Variants in CRTC3 observed in about 807,000 individuals in gnomAD.
CRTC3 encodes the protein CREB regulated transcription coactivator 3, also known as CREB-regulated transcription coactivator 3.
CRTC3 carries 26 observed loss-of-function variants against 74.5 expected under a neutral mutation model. The ratio of observed to expected loss-of-function variants is 0.35; its 90% CI spans 0.26 to 0.48. CRTC3 has a LOEUF of 0.48. CRTC3 is among the 20% of genes least tolerant of loss of function. The pLI is 0.99. For synonymous variants in CRTC3, 377 were observed against 325.8 expected, an observed-to-expected ratio of 1.16 and a Z score of -1.69; for missense variants, 760 against 787.3, an observed-to-expected ratio of 0.97 and a Z score of 0.41.
chr15:90,607,610 G>C (rs1825131178), intron 6 of CRTC3, 132 bp downstream of exon 6: 1 of 598,442 alleles, frequency 1.7e-6, no homozygotes, highest in African/African-American at 1.9e-5. Flanking sequence ...TCGTGGCAGG[G>C]AAGCGTGTGT....
chr15:90,573,643 T>C (rs563813676), intron 2 of CRTC3, among the ~76,000 whole-genome samples: 5 of 152,302 alleles, frequency 3.3e-5, no homozygotes, highest in Admixed American at 1.3e-4. Context: ...CTGTTTTTTT[T>C]CCCATTGATA....
intron 11 of CRTC3, among the ~76,000 whole-genome samples, chr15:90,637,098 T>C (rs1187766678): frequency 6.6e-6 from 1 of 152,202 alleles, no homozygotes; most frequent in South Asian, 2.1e-4. Flanking sequence ...TAAAAACACA[T>C]GCACACATAT....
chr15:90,606,661 A>AT (rs1196549926), intron 5 of CRTC3: 3 of 152,214 alleles, frequency 2.0e-5, no homozygotes, highest in Non-Finnish European at 4.4e-5. Context: ...AAACTGAGAG[A>AT]TTTTTTAAAG....
At chr15:90,614,882 G>A (rs1968448925) in intron 7 of CRTC3, among the ~76,000 whole-genome samples, 1 of 152,028 alleles carries the variant, frequency 6.6e-6, no homozygotes, top group Non-Finnish European at 1.5e-5. Flanking sequence ...TGACCAACAT[G>A]GTGAAACCCC....
chr15:90,641,544 A>G (rs1969442738), intron 14 of CRTC3, among the ~76,000 whole-genome samples: 1 of 152,010 alleles, frequency 6.6e-6, no homozygotes, highest in Non-Finnish European at 1.5e-5. Context: ...AAAAAATACA[A>G]AAAAAATTAG....
At chr15:90,618,663 A>C (rs1968559409) in intron 8 of CRTC3, among the ~76,000 whole-genome samples, 1 of 152,206 alleles carries the variant, frequency 6.6e-6, no homozygotes, top group African/African-American at 2.4e-5. Flanking sequence ...GTACTTAACT[A>C]TCCCCACCTG....
At chr15:90,603,702 A>T (rs1239976557) in intron 4 of CRTC3, among the ~76,000 whole-genome samples, 1 of 152,170 alleles carries the variant, frequency 6.6e-6, no homozygotes, top group East Asian at 1.9e-4. Context: ...GTGTATCAAA[A>T]ATATTTAGCT....
At chr15:90,608,420 C>T (rs1198275753) in intron 6 of CRTC3, among the ~76,000 whole-genome samples, 1 of 152,152 alleles carries the variant, frequency 6.6e-6, no homozygotes, top group Admixed American at 6.5e-5. Context: ...ACTTTGGGTT[C>T]TACTGGTGTT....
intron 2 of CRTC3, among the ~76,000 whole-genome samples, chr15:90,569,177 A>T (rs763508459): frequency 2.9e-4 from 44 of 151,662 alleles, no homozygotes; most frequent in African/African-American, 9.2e-4. Flanking sequence ...CATTTGAAAA[A>T]TTTTTTTGTA....
At chr15:90,544,951 A>T (rs1394911004) in intron 2 of CRTC3, among the ~76,000 whole-genome samples, 1 of 152,158 alleles carries the variant, frequency 6.6e-6, no homozygotes, top group Admixed American at 6.6e-5. Flanking sequence ...AATCTCCAGA[A>T]TTTTTTCATC....
intron 11 of CRTC3, chr15:90,634,690 C>A: frequency 1.5e-6 from 1 of 646,062 alleles, no homozygotes; most frequent in South Asian, 1.7e-5. Flanking sequence ...CGGCTCTACA[C>A]TAGAGCGGAG....
chr15:90,641,948 C>T lies in CRTC3; in HGVS notation c.1668C>T (p.Ser556=), dbSNP rs367959008. The T allele has an allele frequency of 9.9e-6, 16 of 1,613,552 alleles. No homozygotes were observed. Among genetic ancestry groups the T allele is most frequent in the Non-Finnish European group, 1.2e-5 (14 of 1,179,846 alleles). ...NTILPEDSST[S]LFKDLNSALA... is the part of the protein sequence containing the mutation. The stretch of plus-strand genomic sequence containing the variant: ...TCCTTTCAGAAGACTCCAGCACCAG[C>T]CTGTTCAAAGACCTCAACAGTGCGC... Residue 556 remains serine, a synonymous_variant, in exon 15 of 15, where the codon AGC becomes AGT. Coordinates refer to ENST00000268184, the MANE Select transcript of CRTC3 (RefSeq NM_022769.5).
chr15:90,550,004 C>T (rs941647144), intron 2 of CRTC3, among the ~76,000 whole-genome samples: 1 of 151,542 alleles, frequency 6.6e-6, no homozygotes, highest in Non-Finnish European at 1.5e-5. Flanking sequence ...ACACCTGGCC[C>T]CATTCACTTC....
In CRTC3 at chr15:90,642,743, A is replaced by G. The variant is rs78609654; in HGVS notation, c.*603A>G. 681 of 231,374 alleles carry G rather than the reference A, an allele frequency of 2.9e-3. 2 individuals carry two copies. The highest frequency in any genetic ancestry group is 0.013 in the African/African-American group (599 of 45,280). The allele number at this position is 231,374 out of a possible 1,614,324, so 14.3% of individuals were successfully genotyped here. A position where few individuals can be genotyped will look rare whatever the true frequency, so the allele number is the denominator to read the frequency against. ...GCTTGAGTTAGGCAGACTGAAGGCT[A>G]ATTTTCATTTTCTCCCAGCTGGTTT... is the stretch of plus-strand genomic sequence containing the variant. On this transcript the variant is annotated 3_prime_UTR_variant, in exon 15 of 15. Coordinates refer to ENST00000268184, the MANE Select transcript of CRTC3 (RefSeq NM_022769.5).
chr15:90,610,231 A>G (rs1968325144), intron 6 of CRTC3, among the ~76,000 whole-genome samples: 1 of 152,238 alleles, frequency 6.6e-6, no homozygotes, highest in African/African-American at 2.4e-5. Context: ...GGTATTTCTT[A>G]TAGGACCAAC....
chr15:90,638,307 G>C lies in CRTC3; in HGVS notation c.1267-139G>C, dbSNP rs149872296. On this transcript the variant is annotated intron_variant, in intron 11 of 14. Coordinates refer to ENST00000268184, the MANE Select transcript of CRTC3 (RefSeq NM_022769.5). ...AGATATACTTTGAAGGATGAGAAAC[G>C]GGCTTCTCACAGCATTGCACAGAAC... The C allele has an allele frequency of 9.3e-6, 6 of 643,644 alleles. No homozygotes were observed. In the East Asian group the frequency reaches 1.6e-4, roughly 18 times the overall value. 39.9% of individuals were successfully genotyped at this position (643,644 alleles called of 1,614,324 possible).
At chr15:90,634,013 G>A (rs746847768) in intron 11 of CRTC3, among the ~76,000 whole-genome samples, 10 of 146,720 alleles carry the variant, frequency 6.8e-5, no homozygotes, top group South Asian at 2.2e-4. Context: ...TTTTTTTTTC[G>A]AATTTATCTT....
At chr15:90,584,001 G>C (rs1019397543) in intron 2 of CRTC3, among the ~76,000 whole-genome samples, 3 of 152,008 alleles carry the variant, frequency 2.0e-5, no homozygotes, top group African/African-American at 4.8e-5. Context: ...AGGCCTTCAC[G>C]ACTCCCCCAC....
chr15:90,626,979 C>A (rs903395541), intron 10 of CRTC3, among the ~76,000 whole-genome samples: 1 of 152,150 alleles, frequency 6.6e-6, no homozygotes, highest in Non-Finnish European at 1.5e-5. Flanking sequence ...AGCCCCTGGC[C>A]GTAACAGTCC....
Sources: gnomAD v4.1 joint callset for allele counts (sites outside exome capture counted in the v4.1 genomes callset) on GRCh38, gnomAD v4.1.1 for gene constraint, MANE v1.5 for transcripts, NCBI Gene and HGNC (gene_info 2026-07-23, HGNC 2026-07-21) for gene names.